The following ZFPM2 variants were observed in gnomAD, a reference collection of about 807,000 sequenced individuals.
ZFPM2 encodes the protein zinc finger protein ZFPM2.
Under a neutral mutation model 98.6 loss-of-function variants are expected in ZFPM2, and 20 were observed. That is an observed-to-expected ratio of 0.20 (90% CI 0.14 to 0.29). The LOEUF is 0.29. Ranked by LOEUF, ZFPM2 falls within the 10% of genes least tolerant of loss-of-function variation. ZFPM2 has a pLI of 1.00. For missense variants in ZFPM2, 1,310 were observed against 1,388.6 expected (o/e 0.94, Z 0.90); for synonymous variants, 518 against 502.7 (o/e 1.03, Z -0.41).
At chr8:105,371,806 T>C (rs1424152079) in intron 1 of ZFPM2, among the ~76,000 whole-genome samples, 1 of 152,050 alleles carries the variant, frequency 6.6e-6, no homozygotes. Flanking sequence ...ATTAGGATGA[T>C]TGGCAAAATT....
intron 5 of ZFPM2, among the ~76,000 whole-genome samples, chr8:105,665,415 G>A (rs1817470848): frequency 1.3e-5 from 2 of 152,088 alleles, no homozygotes; most frequent in Admixed American, 1.3e-4. Context: ...ATAATTGTTG[G>A]ATTTTGTGTT....
intron 3 of ZFPM2, among the ~76,000 whole-genome samples, chr8:105,470,478 C>G (rs1486989547): frequency 6.6e-6 from 1 of 152,232 alleles, no homozygotes; most frequent in East Asian, 1.9e-4. Context: ...TAGCTTGTGT[C>G]TCTGTGTTTA....
intron 1 of ZFPM2, among the ~76,000 whole-genome samples, chr8:105,347,173 G>A (rs934689783): frequency 2.0e-5 from 3 of 148,188 alleles, no homozygotes; most frequent in South Asian, 2.1e-4. Flanking sequence ...ATAGAAAAAC[G>A]TATTGAAGGC....
At chr8:105,653,854 CTTTTTTTTTTTTTTTTTTTT>C (rs60218363) in intron 5 of ZFPM2, among the ~76,000 whole-genome samples, 8 of 35,286 alleles carry the variant, frequency 2.3e-4, no homozygotes, top group African/African-American at 4.4e-4. Context: ...TGTGTGCTAT[CTTTTTTTTTTTTTTTTTTTT>C]TTTTTTTTTT....
At position 105,324,241 on chromosome 8, in the gene ZFPM2, A is replaced by T. The variant is rs1400383578; in HGVS notation, c.40+5260A>T. 2.0e-5 allele frequency among the ~76,000 whole-genome samples: 3 copies of T among 152,000 alleles called. No homozygotes were observed. In the East Asian group the frequency reaches 5.8e-4, roughly 29 times the overall value. ...GGGTAATCTGGGGATAAATTAAGAT[A>T]GTCATTGATTATATCAATTGTCTAG... On this transcript the variant is annotated intron_variant, in intron 1 of 7. Coordinates refer to ENST00000407775, the MANE Select transcript of ZFPM2 (RefSeq NM_012082.4).
At chr8:105,522,269 A>C (rs1309288130) in intron 3 of ZFPM2, among the ~76,000 whole-genome samples, 1 of 152,194 alleles carries the variant, frequency 6.6e-6, no homozygotes, top group East Asian at 1.9e-4. Flanking sequence ...TTTTATTAAG[A>C]CTATATACAG....
chr8:105,634,364 G>T lies in ZFPM2; in HGVS notation c.532+7G>T. Reference sequence around the variant, plus strand: ...TGCATTGTGTACAGCAAAGGTAAATGCAAGATTGTTTCCCTCTCTCTTTGG... The same window carrying T: ...TGCATTGTGTACAGCAAAGGTAAATTCAAGATTGTTTCCCTCTCTCTTTGG... On this transcript the variant is annotated splice_region_variant and intron_variant, in intron 5 of 7. Coordinates refer to ENST00000407775, the MANE Select transcript of ZFPM2 (RefSeq NM_012082.4). 1 of 1,603,052 alleles carries T rather than the reference G, an allele frequency of 6.2e-7. No individual in the cohort carries two copies. Among genetic ancestry groups the T allele is most frequent in the Non-Finnish European group, 8.5e-7 (1 of 1,173,214 alleles).
chr8:105,662,925 G>A (rs1359678793), intron 5 of ZFPM2: 1 of 151,994 alleles, frequency 6.6e-6, no homozygotes, highest in Non-Finnish European at 1.5e-5. Context: ...AGATTCCCCT[G>A]AATTCCGGCA....
intron 3 of ZFPM2, among the ~76,000 whole-genome samples, chr8:105,450,937 G>A (rs975233866): frequency 2.6e-5 from 4 of 151,704 alleles, no homozygotes; most frequent in Non-Finnish European, 5.9e-5. Context: ...CCCTACTCCA[G>A]TTTGCACTCT....
At chr8:105,784,001 G>A (rs998990443) in intron 5 of ZFPM2, among the ~76,000 whole-genome samples, 1 of 151,978 alleles carries the variant, frequency 6.6e-6, no homozygotes, top group African/African-American at 2.4e-5. Flanking sequence ...AGTGCACAAG[G>A]GTTCCAGTTT....
chr8:105,451,696 T>C (rs1333714507), intron 3 of ZFPM2: 1 of 152,132 alleles, frequency 6.6e-6, no homozygotes, highest in Non-Finnish European at 1.5e-5. Context: ...GTCATGGCCC[T>C]CGGAGGGAAC....
chr8:105,607,946 G>T (rs188491919), intron 4 of ZFPM2, among the ~76,000 whole-genome samples: 3 of 152,174 alleles, frequency 2.0e-5, no homozygotes, highest in Non-Finnish European at 4.4e-5. Flanking sequence ...CAGTGTAAAT[G>T]CCCATCAGTG....
chr8:105,535,557 C>T (rs866287570), intron 3 of ZFPM2, among the ~76,000 whole-genome samples: 26 of 152,114 alleles, frequency 1.7e-4, no homozygotes, highest in African/African-American at 5.8e-4. Context: ...TCTACAGTTT[C>T]GATTCTCTGG....
Position 105,664,358 on chromosome 8 carries a change from T to C in ZFPM2, c.532+30001T>C, listed in dbSNP as rs1302251404. Among the ~76,000 whole-genome samples, 13 of 148,642 alleles carry C rather than the reference T, an allele frequency of 8.7e-5. 1 individual carries two copies. The highest frequency in any genetic ancestry group is 2.0e-4 in the Admixed American group (3 of 14,878). ...GTGTGTGTGTGTGTGTGTGTGTGTG[T>C]GTGACAGAGTTTCGTTCTTGTTGCC... On this transcript the variant is annotated intron_variant, in intron 5 of 7. Coordinates refer to ENST00000407775, the MANE Select transcript of ZFPM2 (RefSeq NM_012082.4).
chr8:105,581,037 T>C (rs1378173523), intron 4 of ZFPM2, among the ~76,000 whole-genome samples: 1 of 151,998 alleles, frequency 6.6e-6, no homozygotes, highest in African/African-American at 2.4e-5. Context: ...ATTTGAACTA[T>C]TTTTCACTAA....
chr8:105,804,100 T>C lies in ZFPM2; in HGVS notation c.*562T>C, dbSNP rs1814131347. 1 of 153,286 alleles carries C rather than the reference T, an allele frequency of 6.5e-6. No individual in the cohort carries two copies. Among genetic ancestry groups the C allele is most frequent in the African/African-American group, 2.4e-5 (1 of 41,464 alleles). The allele number at this position is 153,286 out of a possible 1,614,324, so 9.5% of individuals were successfully genotyped here. A position where few individuals can be genotyped will look rare whatever the true frequency, so the allele number is the denominator to read the frequency against. On this transcript the variant is annotated 3_prime_UTR_variant, in exon 8 of 8. Coordinates refer to ENST00000407775, the MANE Select transcript of ZFPM2 (RefSeq NM_012082.4). Reference sequence around the variant, plus strand: ...AGATACAGTCTCTTAGTCACTAGGCTTTGCATTTGTATGTAGCTGTATGTT... The same window carrying C: ...AGATACAGTCTCTTAGTCACTAGGCCTTGCATTTGTATGTAGCTGTATGTT...
chr8:105,525,295 T>G (rs1479867296), intron 3 of ZFPM2, among the ~76,000 whole-genome samples: 1 of 152,234 alleles, frequency 6.6e-6, no homozygotes, highest in African/African-American at 2.4e-5. Flanking sequence ...ACTTCTGACC[T>G]ATCAGCTTTA....
At chr8:105,330,538 C>CTATATATATATATACA (rs1435356664) in intron 1 of ZFPM2, among the ~76,000 whole-genome samples, 1 of 100,128 alleles carries the variant, frequency 1.0e-5, no homozygotes, top group Non-Finnish European at 1.9e-5. Flanking sequence ...CTCTCTCTCT[C>CTATATATATATATACA]TATATATATA....
intron 3 of ZFPM2, among the ~76,000 whole-genome samples, chr8:105,462,875 G>A (rs1226159382): frequency 2.0e-5 from 3 of 152,022 alleles, no homozygotes; most frequent in Non-Finnish European, 4.4e-5. Context: ...TCGTTTATTC[G>A]ATTCAACGTC....
Sources: gnomAD v4.1 joint callset for allele counts (sites outside exome capture counted in the v4.1 genomes callset) on GRCh38, gnomAD v4.1.1 for gene constraint, MANE v1.5 for transcripts, NCBI Gene and HGNC (gene_info 2026-07-23, HGNC 2026-07-21) for gene names.